SLC22A31: variants seen among roughly 807,000 people sequenced by gnomAD.
SLC22A31 encodes putative solute carrier family 22 member 31.
A neutral mutation model predicts 27.4 loss-of-function variants in SLC22A31; 42 were observed. The ratio of observed to expected loss-of-function variants is 1.53; its 90% CI spans 1.20 to 1.98. The LOEUF is 1.98. SLC22A31 is among the 30% of genes most tolerant of loss of function. SLC22A31 has a pLI of 0.00. For missense variants in SLC22A31, 593 were observed against 479.9 expected, an observed-to-expected ratio of 1.24 and a Z score of -2.20; for synonymous variants, 290 against 230.8, an observed-to-expected ratio of 1.26 and a Z score of -2.33.
At chr16:89,196,856 G>A (rs1419269695) in intron 8 of SLC22A31, among the ~76,000 whole-genome samples, 3 of 151,306 alleles carry the variant, frequency 2.0e-5, no homozygotes, top group African/African-American at 7.3e-5. Context: ...TGAGGCAGGA[G>A]AATCGCTTGA....
chr16:89,196,265 C>G lies in SLC22A31; in HGVS notation c.1075G>C (p.Gly359Arg). ...LGLVLGAGFL[G>R]QAAGPLDTLH... The stretch of plus-strand genomic sequence containing the variant: ...GTGTCCAGGGGGCCGGCTGCCTGGC[C>G]CAGGAACCCGGCCCCCAGCACCAGG... Residue 359 changes from glycine (G) to arginine (R), a missense_variant, in exon 9 of 9, where the codon GGC becomes CGC. Coordinates refer to ENST00000682282, the MANE Select transcript of SLC22A31 (RefSeq NM_001384763.1). 1 of 1,531,912 alleles carries G rather than the reference C, an allele frequency of 6.5e-7. No individual in the cohort carries two copies. Among genetic ancestry groups the G allele is most frequent in the African/African-American group, 1.4e-5 (1 of 72,982 alleles). The allele number at this position is 1,531,912 out of a possible 1,614,324, so 94.9% of individuals were successfully genotyped here.
At position 89,198,277 on chromosome 16, in the gene SLC22A31, G is replaced by A; in HGVS notation, c.767C>T (p.Thr256Ile). Reference protein sequence around the residue: ...FRRSLAPQVPTFYLPYFLEAG... With the variant: ...FRRSLAPQVPIFYLPYFLEAG... ...CTCCAGGAAGTAGGGCAGGTAGAAG[G>A]TCGGCACCTGAGGTGCCAGGCTGCG... The change falls in exon 7 of 9, where the codon ACC becomes ATC. Residue 256 changes from threonine (T) to isoleucine (I), a missense_variant. By Grantham distance (89) the Thr-to-Ile change is moderately conservative. Transcript: ENST00000682282. 1.3e-6 allele frequency: 2 copies of A among 1,535,966 alleles called. No homozygotes were observed. Among genetic ancestry groups the A allele is most frequent in the Non-Finnish European group, 1.7e-6 (2 of 1,146,904 alleles).
At chr16:89,196,365 C>T in intron 8 of SLC22A31, 60 bp from the exon 9 acceptor site, 3 of 1,005,716 alleles carry the variant, frequency 3.0e-6, no homozygotes, top group Non-Finnish European at 4.0e-6. Flanking sequence ...CGGCCCCCAG[C>T]ACCAGGCCCA....
Position 89,195,805 on chromosome 16 carries a change from G to A in SLC22A31, c.*194C>T, listed in dbSNP as rs1915825597. ...CTCCACACCTACTGGGTGTGGCTGG[G>A]GGGAGACCCAGGGCCTCCCAGTGCC... On this transcript the variant is annotated 3_prime_UTR_variant, in exon 9 of 9. Transcript: ENST00000682282. 7.1e-6 allele frequency: 4 copies of A among 563,682 alleles called. No homozygotes were observed. Among genetic ancestry groups the A allele is most frequent in the South Asian group, 3.0e-5 (1 of 33,350 alleles). 34.9% of individuals were successfully genotyped at this position (563,682 alleles called of 1,614,324 possible).
chr16:89,201,575 T>C (rs551703784), upstream of SLC22A31: 1,285 of 398,516 alleles, frequency 3.2e-3, 15 homozygotes, highest in African/African-American at 0.023. Context: ...GCCCCAGCAC[T>C]ATGCAGGGTA....
intron 7 of SLC22A31, among the ~76,000 whole-genome samples, chr16:89,197,734 G>C (rs986213840): frequency 5.9e-5 from 9 of 152,234 alleles, no homozygotes; most frequent in Admixed American, 3.9e-4. Context: ...TACGTTGGAA[G>C]CAAGGCCTGC....
chr16:89,196,633 G>C (rs1400165644), intron 8 of SLC22A31, among the ~76,000 whole-genome samples: 1 of 152,210 alleles, frequency 6.6e-6, no homozygotes, highest in African/African-American at 2.4e-5. Flanking sequence ...TCCTCTCCTG[G>C]AGCACTTTTT....
chr16:89,201,085 GC>G (rs545726489), upstream of SLC22A31: 78 of 372,368 alleles, frequency 2.1e-4, 1 homozygote, highest in Admixed American at 2.8e-3. Context: ...CGCGGGTCCG[GC>G]CCGTGCGCGC....
intron 3 of SLC22A31, 90 bp downstream of exon 3, chr16:89,199,323 G>T: frequency 1.1e-6 from 1 of 917,268 alleles, no homozygotes; most frequent in Non-Finnish European, 1.6e-6. Flanking sequence ...CACTGTCCCT[G>T]CAGCTCGGGG....
chr16:89,198,056 C>G (rs1309654785), intron 7 of SLC22A31, 66 bp downstream of exon 7: 7 of 1,503,638 alleles, frequency 4.7e-6, no homozygotes, highest in South Asian at 1.2e-5. Flanking sequence ...CTATGGCCCC[C>G]TGGTGTGGCA....
upstream of SLC22A31, among the ~76,000 whole-genome samples, chr16:89,200,649 C>A (rs954213108): frequency 6.6e-6 from 1 of 152,136 alleles, no homozygotes; most frequent in Non-Finnish European, 1.5e-5. Context: ...GGGGCCAGTC[C>A]TCCCAGGATG....
Position 89,196,073 on chromosome 16 carries a change from G to C in SLC22A31, c.1267C>G (p.Pro423Ala). 3.3e-6 allele frequency: 5 copies of C among 1,531,872 alleles called. No individual in the cohort carries two copies. Among genetic ancestry groups the C allele is most frequent in the Non-Finnish European group, 4.4e-6 (5 of 1,145,312 alleles). 94.9% of individuals were successfully genotyped at this position (1,531,872 alleles called of 1,614,324 possible). ...LRRSPLLRGR[P>A]RQDHLPLLPP... is the part of the protein sequence containing the mutation. Reference sequence around the variant, plus strand: ...AGCAGAGGCAGGTGGTCCTGGCGGGGGCGGCCCCGCAGGAGTGGGGAGCGG... The same window carrying C: ...AGCAGAGGCAGGTGGTCCTGGCGGGCGCGGCCCCGCAGGAGTGGGGAGCGG... The change falls in exon 9 of 9, where the codon CCC becomes GCC. Residue 423 changes from proline to alanine, a missense_variant. Transcript: ENST00000682282.
In SLC22A31 at chr16:89,198,005, C is replaced by T. The variant is rs1364443735; in HGVS notation, c.922+117G>A. 6.4e-6 allele frequency: 7 copies of T among 1,099,684 alleles called. No homozygotes were observed. The Admixed American group carries it at 1.6e-4, about 25-fold the overall frequency. The allele number at this position is 1,099,684 out of a possible 1,614,324, so 68.1% of individuals were successfully genotyped here. Reference sequence around the variant, plus strand: ...AGGATCAGAGGAAAACAAACAGCAGCTGGCCTTGGGCTGCCACCCCAGGCT... The same window carrying T: ...AGGATCAGAGGAAAACAAACAGCAGTTGGCCTTGGGCTGCCACCCCAGGCT... On this transcript the variant is annotated intron_variant, in intron 7 of 8. Coordinates refer to ENST00000682282, the MANE Select transcript of SLC22A31 (RefSeq NM_001384763.1).
upstream of SLC22A31, chr16:89,201,477 G>A: frequency 2.5e-6 from 1 of 394,652 alleles, no homozygotes; most frequent in Non-Finnish European, 4.5e-6. Context: ...TCCGCGCAGG[G>A]CGCGCAGCGC....
Position 89,198,450 on chromosome 16 carries a change from G to A in SLC22A31, c.699C>T (p.Gly233=). The A allele has an allele frequency of 6.6e-7, 1 of 1,518,716 alleles. No individual in the cohort carries two copies. The highest frequency in any genetic ancestry group is 1.2e-5 in the South Asian group (1 of 81,846). The allele number at this position is 1,518,716 out of a possible 1,614,324, so 94.1% of individuals were successfully genotyped here. ...RVTWRNGLIL[G]FSSLVGGGIR... is the part of the protein sequence containing the mutation. The stretch of plus-strand genomic sequence containing the variant: ...GCCCTTCCTCGACTCACGAGCTGAA[G>A]CCCAAGATAAGCCCGTTTCTCCAGG... The change falls in exon 6 of 9, where the codon GGC becomes GGT. Residue 233 remains glycine (G), a synonymous_variant. Transcript: ENST00000682282.
In SLC22A31 at chr16:89,195,979, C is replaced by T. The variant is rs1261256873; in HGVS notation, c.*20G>A. On this transcript the variant is annotated 3_prime_UTR_variant, in exon 9 of 9. Coordinates refer to ENST00000682282, the MANE Select transcript of SLC22A31 (RefSeq NM_001384763.1). The stretch of plus-strand genomic sequence containing the variant: ...CCTTGACTTTGGTCCCATCCTGGCT[C>T]CCAGGGCCACCAGGCAGGACTAGTG... The T allele has an allele frequency of 2.0e-6, 3 of 1,469,458 alleles. No homozygotes were observed. The highest frequency in any genetic ancestry group is 2.5e-5 in the East Asian group (1 of 40,242). 91.0% of individuals were successfully genotyped at this position (1,469,458 alleles called of 1,614,324 possible).
chr16:89,198,022 C>T (rs1916133950), intron 7 of SLC22A31, 100 bp downstream of exon 7: 3 of 1,354,746 alleles, frequency 2.2e-6, no homozygotes, highest in Admixed American at 2.3e-5. Context: ...TGGGCTGCCA[C>T]CCCAGGCTGC....
intron 1 of SLC22A31, 115 bp downstream of exon 1, chr16:89,200,363 C>G (rs1004525190): frequency 4.6e-5 from 7 of 152,830 alleles, no homozygotes; most frequent in African/African-American, 1.4e-4. Context: ...GGCCCTTGAC[C>G]CTTGACCTCA....
At chr16:89,201,222 G>A, upstream of SLC22A31, 1 of 373,948 alleles carries the variant, frequency 2.7e-6, no homozygotes, top group Non-Finnish European at 4.8e-6. Context: ...GGCGGGCTGG[G>A]GGCGGGGAGG....
Sources: allele counts gnomAD v4.1 joint callset (sites outside exome capture counted in the v4.1 genomes callset), GRCh38; gene constraint gnomAD v4.1.1; transcripts MANE v1.5; gene names NCBI Gene and HGNC (gene_info 2026-07-23, HGNC 2026-07-21).